The following PACRGL variants were observed in gnomAD, a reference collection of about 807,000 sequenced individuals.
PACRGL encodes the protein PACRG-like protein.
PACRGL carries 38 observed loss-of-function variants against 34.5 expected under a neutral mutation model. The ratio of observed to expected loss-of-function variants is 1.10; its 90% confidence interval spans 0.85 to 1.44. The LOEUF is 1.44. Among genes scored for constraint, PACRGL ranks in the 40% most tolerant of loss-of-function variants. PACRGL has a pLI of 0.00. For missense variants in PACRGL, 305 were observed against 281.4 expected, an observed-to-expected ratio of 1.08 and a Z score of -0.60; for synonymous variants, 128 against 100.1, an observed-to-expected ratio of 1.28 and a Z score of -1.66.
downstream of PACRGL, among the ~76,000 whole-genome samples, chr4:20,756,603 C>T (rs1386234565): frequency 6.6e-6 from 1 of 151,884 alleles, no homozygotes; most frequent in African/African-American, 2.4e-5. Context: ...CTGTTTTCTT[C>T]TCATCGTCCT....
chr4:20,741,464 T>C (rs1261261472), intron 8 of PACRGL, among the ~76,000 whole-genome samples: 1 of 152,216 alleles, frequency 6.6e-6, no homozygotes, highest in African/African-American at 2.4e-5. Context: ...TGCTCCTGAA[T>C]GACCACTGGG....
At chr4:20,713,379 T>G in intron 6 of PACRGL, 53 bp from the exon 7 acceptor site, 4 of 1,396,300 alleles carry the variant, frequency 2.9e-6, no homozygotes, top group Non-Finnish European at 4.0e-6. Flanking sequence ...TTTCTTTCCT[T>G]TTCTCCTCTC....
chr4:20,735,416 T>A (rs971922990), downstream of PACRGL, among the ~76,000 whole-genome samples: 1 of 152,224 alleles, frequency 6.6e-6, no homozygotes, highest in Non-Finnish European at 1.5e-5. Context: ...GGCAATGACA[T>A]TGGCTATGTA....
chr4:20,716,768 A>G (rs1261348255), intron 7 of PACRGL, among the ~76,000 whole-genome samples: 1 of 152,174 alleles, frequency 6.6e-6, no homozygotes, highest in Non-Finnish European at 1.5e-5. Context: ...AGTCTTTGCT[A>G]TTGTGAATAG....
intron 8 of PACRGL, among the ~76,000 whole-genome samples, chr4:20,740,130 G>A (rs1352041702): frequency 6.6e-6 from 1 of 152,126 alleles, no homozygotes; most frequent in Non-Finnish European, 1.5e-5. Flanking sequence ...GAAAGTGACG[G>A]GGAGAATTGA....
intron 7 of PACRGL, chr4:20,716,326 A>C: frequency 1.7e-6 from 1 of 576,194 alleles, no homozygotes; most frequent in African/African-American, 2.0e-5. Context: ...GAAGTTATTC[A>C]TGCAGTGTTT....
chr4:20,720,382 C>G (rs541363215), intron 7 of PACRGL, among the ~76,000 whole-genome samples: 5 of 152,246 alleles, frequency 3.3e-5, no homozygotes, highest in Admixed American at 2.6e-4. Flanking sequence ...ATGATGTTAG[C>G]TGATTATTTT....
intron 5 of PACRGL, among the ~76,000 whole-genome samples, chr4:20,711,159 A>G (rs575480693): frequency 6.6e-6 from 1 of 152,046 alleles, no homozygotes; most frequent in South Asian, 2.1e-4. Context: ...GTAGCAAACC[A>G]TGTTTTTTTT....
At chr4:20,755,726 A>G (rs556326571), downstream of PACRGL, among the ~76,000 whole-genome samples, 1 of 152,322 alleles carries the variant, frequency 6.6e-6, no homozygotes, top group South Asian at 2.1e-4. Context: ...AGTCTCACTG[A>G]GAAGGTGGCA....
At chr4:20,746,058 C>T (rs1392791475) in intron 8 of PACRGL, among the ~76,000 whole-genome samples, 1 of 152,162 alleles carries the variant, frequency 6.6e-6, no homozygotes, top group East Asian at 1.9e-4. Context: ...AATCATTCTA[C>T]TATAAAGACA....
intron 7 of PACRGL, among the ~76,000 whole-genome samples, chr4:20,720,696 T>C (rs1742644653): frequency 6.6e-6 from 1 of 152,352 alleles, no homozygotes; most frequent in South Asian, 2.1e-4. Flanking sequence ...CGAGTTCTGC[T>C]GTTAGTCTGA....
chr4:20,741,876 G>A (rs1338674814), intron 8 of PACRGL, among the ~76,000 whole-genome samples: 1 of 152,142 alleles, frequency 6.6e-6, no homozygotes, highest in Non-Finnish European at 1.5e-5. Context: ...AATAAAAAAT[G>A]ATAAAGGGGA....
chr4:20,741,491 G>A (rs1560420592), intron 8 of PACRGL, among the ~76,000 whole-genome samples: 2 of 152,114 alleles, frequency 1.3e-5, no homozygotes, highest in Admixed American at 6.5e-5. Flanking sequence ...ATGAAATGAA[G>A]GCAGAAATAA....
chr4:20,756,114 G>A (rs1402297037), downstream of PACRGL, among the ~76,000 whole-genome samples: 2 of 151,934 alleles, frequency 1.3e-5, no homozygotes, highest in East Asian at 3.9e-4. Flanking sequence ...AGTCAGTTTG[G>A]AGACTACTGT....
chr4:20,735,962 A>T (rs976008368), downstream of PACRGL, among the ~76,000 whole-genome samples: 1 of 152,156 alleles, frequency 6.6e-6, no homozygotes, highest in South Asian at 2.1e-4. Context: ...TTTGCATTAT[A>T]TCTCCCTTTC....
chr4:20,700,863 G>A (rs925810507), intron 1 of PACRGL, 76 bp downstream of exon 1: 4 of 152,056 alleles, frequency 2.6e-5, no homozygotes, highest in African/African-American at 9.7e-5. Context: ...CTCTTTTGCT[G>A]ACTTTGATAG....
At chr4:20,709,953 A>G (rs1372304353) in intron 5 of PACRGL, 180 bp downstream of exon 5, 1 of 510,436 alleles carries the variant, frequency 2.0e-6, no homozygotes, top group East Asian at 3.2e-5. Context: ...GTTATTTGAA[A>G]TTGATTAATG....
At chr4:20,716,726 T>C (rs1454804763) in intron 7 of PACRGL, among the ~76,000 whole-genome samples, 5 of 152,340 alleles carry the variant, frequency 3.3e-5, no homozygotes, top group Admixed American at 2.0e-4. Context: ...CTTAATCCAG[T>C]CTATCATTGA....
downstream of PACRGL, among the ~76,000 whole-genome samples, chr4:20,756,000 G>GT (rs2149353528): frequency 6.6e-6 from 1 of 152,226 alleles, no homozygotes; most frequent in East Asian, 1.9e-4. Flanking sequence ...GAATGGTATG[G>GT]TTTCGAACAG....
Sources: allele counts gnomAD v4.1 joint callset (sites outside exome capture counted in the v4.1 genomes callset), GRCh38; gene constraint gnomAD v4.1.1; transcripts MANE v1.5; gene names NCBI Gene and HGNC (gene_info 2026-07-23, HGNC 2026-07-21).